USP9X: variants seen among roughly 807,000 people sequenced by gnomAD.
The protein encoded by USP9X is ubiquitin carboxyl-terminal hydrolase 9X.
USP9X carries 7 observed loss-of-function variants against 190.3 expected under a neutral mutation model. The observed-to-expected ratio is 0.04, with a 90% CI of 0.02 to 0.07. The LOEUF (loss-of-function observed/expected upper bound fraction) is 0.07, where lower values mean the gene tolerates loss of function less well. Among genes scored for constraint, USP9X ranks in the 10% least tolerant of loss-of-function variants. The pLI is 1.00. For missense variants in USP9X, 1,010 were observed against 1,916.9 expected (o/e 0.53, Z 8.83); for synonymous variants, 645 against 659.5 (o/e 0.98, Z 0.34).
intron 1 of USP9X, among the ~76,000 whole-genome samples, chrX:41,111,097 C>A (rs1010508645): frequency 9.0e-6 from 1 of 110,532 alleles, no homozygotes; most frequent in Non-Finnish European, 1.9e-5. Context: ...CGTTTGTCTC[C>A]ACCCCTCCAC....
intron 32 of USP9X, among the ~76,000 whole-genome samples, chrX:41,209,548 G>A (rs2063140712): frequency 8.9e-6 from 1 of 111,801 alleles, no homozygotes; most frequent in African/African-American, 3.3e-5. Context: ...TGTCTTAACA[G>A]ATCTCTCCTT....
intron 22 of USP9X, 128 bp from the exon 23 acceptor site, chrX:41,184,269 T>C (rs748070632): frequency 1.0e-6 from 1 of 996,556 alleles, no homozygotes; most frequent in East Asian, 3.3e-5. Context: ...TGAAATGAAA[T>C]ATTAATTTGA....
intron 34 of USP9X, 60 bp downstream of exon 34, chrX:41,214,769 G>GT (rs1269809188): frequency 2.3e-5 from 25 of 1,097,666 alleles, no homozygotes; most frequent in Non-Finnish European, 2.7e-5. Flanking sequence ...GAAGAAATTG[G>GT]TTTTTTTGGT....
Position 41,170,067 on chromosome X carries a change from G to A in USP9X, c.2709G>A (p.Glu903=), listed in dbSNP as rs773022067. The change falls in exon 19 of 45, where the codon GAG becomes GAA. Residue 903 remains glutamate, a synonymous_variant. Transcript: ENST00000378308. ...AGGGCAGACAGGTTGATGACTTGGAGGTATGGTCTCATACAAATGATACAA... is the reference window on the plus strand; with the variant it reads ...AGGGCAGACAGGTTGATGACTTGGAAGTATGGTCTCATACAAATGATACAA... ...PNQGRQVDDL[E]VWSHTNDTIG... The A allele has an allele frequency of 1.3e-5, 16 of 1,209,388 alleles. No individual in the cohort carries two copies. The highest frequency in any genetic ancestry group is 1.7e-5 in the Non-Finnish European group (15 of 895,009).
At chrX:41,211,646 C>T (rs1172721091) in intron 33 of USP9X, among the ~76,000 whole-genome samples, 1 of 102,040 alleles carries the variant, frequency 9.8e-6, no homozygotes, top group African/African-American at 3.6e-5. Context: ...CCAGCCGCCC[C>T]GTCCGGGAAG....
At chrX:41,136,347 G>T (rs1459844954) in intron 5 of USP9X, among the ~76,000 whole-genome samples, 1 of 110,938 alleles carries the variant, frequency 9.0e-6, no homozygotes, top group East Asian at 2.8e-4. Context: ...TTTTAGTAGA[G>T]ACAGGGTTTC....
At chrX:41,090,631 T>A (rs765464472) in intron 1 of USP9X, among the ~76,000 whole-genome samples, 76 of 112,439 alleles carry the variant, frequency 6.8e-4, no homozygotes, top group African/African-American at 2.4e-3. Flanking sequence ...AAATATATAT[T>A]TGCTCTATAG....
intron 13 of USP9X, 79 bp from the exon 14 acceptor site, chrX:41,152,869 G>T: frequency 9.8e-7 from 1 of 1,023,623 alleles, no homozygotes; most frequent in African/African-American, 1.9e-5. Context: ...CAGTAGCTAA[G>T]AATTTAGATA....
chrX:41,148,631 G>C lies in USP9X; in HGVS notation c.1626+56G>C, dbSNP rs748368388. On this transcript the variant is annotated intron_variant, in intron 12 of 44. Transcript: ENST00000378308. ...TGACTTTTCCCCTTCAGTTAGGTTG[G>C]CTTAGTTACAGGATAGTTCTGTTAC... is the stretch of plus-strand genomic sequence containing the variant. The C allele has an allele frequency of 2.5e-5, 27 of 1,089,240 alleles. No individual in the cohort carries two copies. The African/African-American group carries it at 2.7e-4, about 11-fold the overall frequency. The allele number at this position is 1,089,240 out of a possible 1,213,427, so 89.8% of individuals were successfully genotyped here.
intron 38 of USP9X, among the ~76,000 whole-genome samples, chrX:41,220,089 T>G (rs1379898255): frequency 8.9e-6 from 1 of 112,139 alleles, no homozygotes; most frequent in Non-Finnish European, 1.9e-5. Context: ...TAATCACCAT[T>G]GGATCCATGG....
chrX:41,146,151 T>TTATATCTGC (rs2062461815), intron 11 of USP9X, among the ~76,000 whole-genome samples: 1 of 111,162 alleles, frequency 9.0e-6, no homozygotes, highest in Non-Finnish European at 1.9e-5. Context: ...AAAAAAGGGG[T>TTATATCTGC]TGTTATTATA....
intron 41 of USP9X, among the ~76,000 whole-genome samples, chrX:41,226,949 A>T (rs1404775941): frequency 9.0e-6 from 1 of 111,694 alleles, no homozygotes; most frequent in East Asian, 2.8e-4. Context: ...TCTTGCCTCT[A>T]TTTTTTTAAA....
chrX:41,116,972 C>T (rs995655964), intron 1 of USP9X, among the ~76,000 whole-genome samples: 5 of 111,506 alleles, frequency 4.5e-5, no homozygotes, highest in Middle Eastern at 9.3e-3. Context: ...TCTTAGTGTG[C>T]TGAGGGAAAG....
intron 11 of USP9X, among the ~76,000 whole-genome samples, chrX:41,145,603 C>T (rs1486297427): frequency 8.9e-6 from 1 of 111,945 alleles, no homozygotes; most frequent in Non-Finnish European, 1.9e-5. Flanking sequence ...GTAATTAATA[C>T]ACCTTGATTA....
At chrX:41,207,926 TTC>T (rs766852813) in intron 32 of USP9X, among the ~76,000 whole-genome samples, 14 of 110,966 alleles carry the variant, frequency 1.3e-4, no homozygotes, top group Non-Finnish European at 2.3e-4. Flanking sequence ...ACTATTTCAG[TTC>T]TGTCTTCTTT....
At chrX:41,177,164 TAAA>T (rs969272790) in intron 21 of USP9X, among the ~76,000 whole-genome samples, 127 of 112,052 alleles carry the variant, frequency 1.1e-3, no homozygotes, top group Non-Finnish European at 2.2e-3. Flanking sequence ...TTATTCAAAA[TAAA>T]AAAAATTTAG....
chrX:41,219,274 A>G (rs1450560877), intron 38 of USP9X, 43 bp downstream of exon 38: 1 of 1,159,085 alleles, frequency 8.6e-7, no homozygotes, highest in Non-Finnish European at 1.2e-6. Context: ...GATGTATCAT[A>G]TTAAATTGTG....
At chrX:41,099,406 C>T (rs2062019854) in intron 1 of USP9X, among the ~76,000 whole-genome samples, 1 of 110,812 alleles carries the variant, frequency 9.0e-6, no homozygotes, top group African/African-American at 3.3e-5. Flanking sequence ...AAACAGATTT[C>T]CCAAGTAGTT....
intron 14 of USP9X, among the ~76,000 whole-genome samples, chrX:41,157,183 A>AG (rs1439739612): frequency 2.7e-5 from 3 of 111,825 alleles, no homozygotes; most frequent in Non-Finnish European, 3.8e-5. Context: ...ACCCCGACTC[A>AG]GGGGCAACTC....
Sources: allele counts gnomAD v4.1 joint callset (sites outside exome capture counted in the v4.1 genomes callset), GRCh38; gene constraint gnomAD v4.1.1; transcripts MANE v1.5; gene names NCBI Gene and HGNC (gene_info 2026-07-23, HGNC 2026-07-21).